The following GATAD2B variants were observed in gnomAD, a reference collection of about 807,000 sequenced individuals.
GATAD2B encodes GATA zinc finger domain containing 2B.
GATAD2B carries 8 observed loss-of-function variants against 64.3 expected under a neutral mutation model. The observed-to-expected ratio is 0.12, with a 90% confidence interval of 0.07 to 0.22. The LOEUF is 0.22. Ranked by LOEUF, GATAD2B falls within the 10% of genes least tolerant of loss-of-function variation. GATAD2B has a pLI of 1.00. For missense variants in GATAD2B, 453 were observed against 752.0 expected (o/e 0.60, Z 4.65); for synonymous variants, 281 against 271.3 (o/e 1.04, Z -0.35).
At chr1:153,877,609 G>A (rs1676877655) in intron 1 of GATAD2B, among the ~76,000 whole-genome samples, 1 of 152,092 alleles carries the variant, frequency 6.6e-6, no homozygotes, top group South Asian at 2.1e-4. Flanking sequence ...TGGACATGGT[G>A]GCTCATGCCT....
At chr1:153,902,977 G>A (rs1677824078) in intron 1 of GATAD2B, among the ~76,000 whole-genome samples, 1 of 152,152 alleles carries the variant, frequency 6.6e-6, no homozygotes, top group Non-Finnish European at 1.5e-5. Context: ...CAGGACTTGG[G>A]GAGGCCGAGG....
chr1:153,811,236 A>G (rs1229528325), intron 10 of GATAD2B, among the ~76,000 whole-genome samples: 1 of 152,190 alleles, frequency 6.6e-6, no homozygotes, highest in Non-Finnish European at 1.5e-5. Flanking sequence ...CATATTCCTA[A>G]GCTTTAGGAA....
chr1:153,846,631 G>A (rs987760477), intron 1 of GATAD2B, among the ~76,000 whole-genome samples: 5 of 143,042 alleles, frequency 3.5e-5, no homozygotes, highest in Middle Eastern at 3.7e-3. Context: ...GCGCGATCTC[G>A]GCTCACTGCA....
Position 153,810,091 on chromosome 1 carries a change from A to G in GATAD2B, c.*86T>C. ...TTCCGTGTATGGTAGGCACCAGTAC[A>G]GGCACTGCATGCGACAGAAGTTGGG... is the stretch of plus-strand genomic sequence containing the variant. On this transcript the variant is annotated 3_prime_UTR_variant, in exon 11 of 11. Transcript: ENST00000368655. 1 of 1,323,582 alleles carries G rather than the reference A, an allele frequency of 7.6e-7. No homozygotes were observed. The highest frequency in any genetic ancestry group is 1.5e-5 in the African/African-American group (1 of 67,426). 82.0% of individuals were successfully genotyped at this position (1,323,582 alleles called of 1,614,324 possible).
rs1320591534 is a variant in GATAD2B, at chr1:153,818,768, C to T, written c.597+23G>A. 6.2e-6 allele frequency: 10 copies of T among 1,610,196 alleles called. No homozygotes were observed. In the Middle Eastern group the frequency reaches 4.9e-4, roughly 80 times the overall value. On this transcript the variant is annotated intron_variant, in intron 4 of 10. Coordinates refer to ENST00000368655, the MANE Select transcript of GATAD2B (RefSeq NM_020699.4). The stretch of plus-strand genomic sequence containing the variant: ...CAGTTTTTCTTTCCTTTCCCTTAGT[C>T]CCTTATTTCTAGGGCACATTACCTT...
chr1:153,870,760 T>C (rs779732048), intron 1 of GATAD2B, among the ~76,000 whole-genome samples: 8 of 152,194 alleles, frequency 5.3e-5, no homozygotes, highest in African/African-American at 9.6e-5. Flanking sequence ...ACCCCCATGA[T>C]ACCTCATTAT....
At chr1:153,891,570 C>T (rs1354403430) in intron 1 of GATAD2B, among the ~76,000 whole-genome samples, 2 of 24,858 alleles carry the variant, frequency 8.0e-5, no homozygotes, top group Non-Finnish European at 1.6e-4. Flanking sequence ...AACTCTGTCT[C>T]GTTTAAAAAA....
intron 2 of GATAD2B, among the ~76,000 whole-genome samples, chr1:153,827,191 G>C (rs1674913553): frequency 6.7e-6 from 1 of 149,752 alleles, no homozygotes; most frequent in Non-Finnish European, 1.5e-5. Flanking sequence ...TTGAATCCAG[G>C]GTATCAGGCC....
chr1:153,804,833 C>T lies in GATAD2B; in HGVS notation c.*5344G>A, dbSNP rs1296522751. The T allele has an allele frequency of 1.3e-5, 2 of 152,534 alleles. 1 individual carries two copies. The highest frequency in any genetic ancestry group is 4.8e-5 in the African/African-American group (2 of 41,398). 9.4% of individuals were successfully genotyped at this position (152,534 alleles called of 1,614,324 possible). A position where few individuals can be genotyped will look rare whatever the true frequency, so the allele number is the denominator to read the frequency against. On this transcript the variant is annotated 3_prime_UTR_variant, in exon 11 of 11. Coordinates refer to ENST00000368655, the MANE Select transcript of GATAD2B (RefSeq NM_020699.4). ...CCAAAAATTAGCTTATTATTTGAAT[C>T]TGTCACTGCTGAAATGCTCAGCAGC...
rs555735879 is a variant in GATAD2B at position 153,805,715 on chromosome 1, C to T, written c.*4462G>A. The stretch of plus-strand genomic sequence containing the variant: ...ATTTTAAACTTGGTGGCCAGATGAT[C>T]CCCCTCTTCACTTCACAGATAAGAA... On this transcript the variant is annotated 3_prime_UTR_variant, in exon 11 of 11. Transcript: ENST00000368655. The T allele has an allele frequency of 1.8e-4, 28 of 152,276 alleles. No homozygotes were observed. Among genetic ancestry groups the T allele is most frequent in the African/African-American group, 6.7e-4 (28 of 41,532 alleles). 9.4% of individuals were successfully genotyped at this position (152,276 alleles called of 1,614,324 possible). A position where few individuals can be genotyped will look rare whatever the true frequency, so the allele number is the denominator to read the frequency against.
chr1:153,882,169 C>G (rs916555777), intron 1 of GATAD2B, among the ~76,000 whole-genome samples: 1 of 152,074 alleles, frequency 6.6e-6, no homozygotes, highest in African/African-American at 2.4e-5. Flanking sequence ...ACTATCCCCC[C>G]ATCATTGCAG....
intron 8 of GATAD2B, among the ~76,000 whole-genome samples, chr1:153,812,840 A>T (rs959973681): frequency 5.9e-5 from 9 of 152,208 alleles, no homozygotes; most frequent in Admixed American, 1.3e-4. Context: ...CATACTCTAG[A>T]ACCACTACTC....
At chr1:153,904,236 C>T (rs1192488005) in intron 1 of GATAD2B, among the ~76,000 whole-genome samples, 1 of 151,592 alleles carries the variant, frequency 6.6e-6, no homozygotes, top group African/African-American at 2.4e-5. Flanking sequence ...GCCAAGATTA[C>T]GCCACTACAC....
intron 1 of GATAD2B, among the ~76,000 whole-genome samples, chr1:153,834,889 A>C (rs1675215143): frequency 6.6e-6 from 1 of 152,060 alleles, no homozygotes; most frequent in African/African-American, 2.4e-5. Flanking sequence ...GGAGGCTGAG[A>C]CAGGAGGATC....
intron 6 of GATAD2B, 23 bp downstream of exon 6, chr1:153,817,349 A>G (rs974994623): frequency 4.0e-6 from 6 of 1,506,198 alleles, no homozygotes; most frequent in Admixed American, 2.3e-5. Context: ...CTGTTTCCAC[A>G]TTAGGGCTCA....
At chr1:153,851,050 CTA>C (rs1265633397) in intron 1 of GATAD2B, among the ~76,000 whole-genome samples, 3 of 151,990 alleles carry the variant, frequency 2.0e-5, no homozygotes, top group African/African-American at 7.3e-5. Flanking sequence ...TGGCAGATCT[CTA>C]GAGCTTTTTC....
intron 1 of GATAD2B, among the ~76,000 whole-genome samples, chr1:153,876,279 T>C (rs1570981121): frequency 8.2e-6 from 1 of 122,568 alleles, no homozygotes; most frequent in Non-Finnish European, 1.7e-5. Flanking sequence ...AGTCCTTAAA[T>C]GGCTGGGCGT....
intron 1 of GATAD2B, among the ~76,000 whole-genome samples, chr1:153,868,881 C>T (rs759374960): frequency 2.2e-4 from 33 of 151,998 alleles, no homozygotes; most frequent in Non-Finnish European, 4.1e-4. Context: ...ACTACAGGCA[C>T]GCACCATCAC....
At chr1:153,818,309 GTTTTCT>G (rs1674553677) in intron 4 of GATAD2B, 138 bp from the exon 5 acceptor site, 15 of 568,712 alleles carry the variant, frequency 2.6e-5, no homozygotes, top group South Asian at 6.1e-5. Flanking sequence ...GGGAGTCAAG[GTTTTCT>G]TTTTTTTTTT....
Sources: allele counts gnomAD v4.1 joint callset (sites outside exome capture counted in the v4.1 genomes callset), GRCh38; gene constraint gnomAD v4.1.1; transcripts MANE v1.5; gene names NCBI Gene and HGNC (gene_info 2026-07-23, HGNC 2026-07-21).